FIG4: variants seen among roughly 807,000 people sequenced by gnomAD.
FIG4 encodes the protein polyphosphoinositide phosphatase.
Under a neutral mutation model 118.6 loss-of-function variants are expected in FIG4, and 112 were observed. The ratio of observed to expected loss-of-function variants is 0.94; its 90% confidence interval spans 0.81 to 1.11. The LOEUF is 1.11. FIG4 is among the 50% of genes least tolerant of loss of function. The pLI, the probability that FIG4 is intolerant of heterozygous loss-of-function variation, is 0.00. For synonymous variants in FIG4, 369 were observed against 381.2 expected (o/e 0.97, Z 0.37); for missense variants, 969 against 1,111.7 (o/e 0.87, Z 1.83).
At chr6:109,704,728 A>G (rs1412059203) in intron 1 of FIG4, among the ~76,000 whole-genome samples, 1 of 151,864 alleles carries the variant, frequency 6.6e-6, no homozygotes, top group Non-Finnish European at 1.5e-5. Context: ...GGAAGTCATG[A>G]AAAACAAAGC....
At chr6:109,743,503 G>T in intron 9 of FIG4, 172 bp from the exon 10 acceptor site, 1 of 676,150 alleles carries the variant, frequency 1.5e-6, no homozygotes, top group Non-Finnish European at 2.6e-6. Context: ...TCATTCAAAT[G>T]TAATAAATAC....
intron 1 of FIG4, among the ~76,000 whole-genome samples, chr6:109,703,957 G>A (rs892105826): frequency 1.3e-5 from 2 of 151,966 alleles, no homozygotes; most frequent in Non-Finnish European, 2.9e-5. Flanking sequence ...TTGGGCTCTC[G>A]TCACTCTCCC....
intron 7 of FIG4, among the ~76,000 whole-genome samples, chr6:109,739,573 T>C (rs1776262281): frequency 6.6e-6 from 1 of 152,134 alleles, no homozygotes; most frequent in Non-Finnish European, 1.5e-5. Context: ...TCATTTTCAG[T>C]TGGGATTTGC....
At chr6:109,752,867 G>A (rs1011754167) in intron 10 of FIG4, among the ~76,000 whole-genome samples, 3 of 152,006 alleles carry the variant, frequency 2.0e-5, no homozygotes, top group Admixed American at 2.0e-4. Flanking sequence ...GTCAATTTTG[G>A]CTTTTGTTGC....
At chr6:109,714,972 G>C in intron 1 of FIG4, 106 bp from the exon 2 acceptor site, 1 of 636,516 alleles carries the variant, frequency 1.6e-6, no homozygotes, top group Non-Finnish European at 2.8e-6. Flanking sequence ...TCTTTAAAAA[G>C]TAACCTGACT....
At chr6:109,738,579 C>T in intron 7 of FIG4, 126 bp downstream of exon 7, 1 of 850,780 alleles carries the variant, frequency 1.2e-6, no homozygotes, top group Non-Finnish European at 2.0e-6. Context: ...AAAACCTGCC[C>T]ATGATACTAT....
intron 22 of FIG4, among the ~76,000 whole-genome samples, chr6:109,803,975 C>A (rs1022750910): frequency 8.6e-5 from 13 of 152,038 alleles, no homozygotes; most frequent in African/African-American, 2.9e-4. Flanking sequence ...ACTAAAGGGG[C>A]CCAAGTTAAA....
chr6:109,731,698 G>T (rs984579005), intron 4 of FIG4, among the ~76,000 whole-genome samples: 1 of 152,170 alleles, frequency 6.6e-6, no homozygotes, highest in African/African-American at 2.4e-5. Context: ...TGTACAGGAA[G>T]ATGTGTATTG....
intron 12 of FIG4, 21 bp downstream of exon 12, chr6:109,762,228 C>G (rs1777132125): frequency 7.2e-7 from 1 of 1,395,382 alleles, no homozygotes; most frequent in East Asian, 2.3e-5. Flanking sequence ...TATTTTAAAA[C>G]TTATAATAAA....
At chr6:109,822,523 G>A (rs1019543746) in intron 22 of FIG4, among the ~76,000 whole-genome samples, 2 of 151,780 alleles carry the variant, frequency 1.3e-5, no homozygotes, top group African/African-American at 4.8e-5. Flanking sequence ...TCTCTATTGT[G>A]TATTTCATTG....
Position 109,825,135 on chromosome 6 carries a change from C to A in FIG4, c.2594C>A (p.Pro865His). 6.2e-7 allele frequency: 1 copy of A among 1,614,004 alleles called. No homozygotes were observed. The change falls in exon 23 of 23, where the codon CCC becomes CAC. Residue 865 changes from proline to histidine, a missense_variant. Transcript: ENST00000230124. Reference protein sequence around the residue: ...FSQDNIYEVQPPRVDRKSTEI... With the variant: ...FSQDNIYEVQHPRVDRKSTEI... ...CAAGATAACATCTATGAAGTTCAGC[C>A]CCCAAGAGTAGACAGAAAATCTACA... is the stretch of plus-strand genomic sequence containing the variant.
At chr6:109,814,394 A>G (rs1309093428) in intron 22 of FIG4, among the ~76,000 whole-genome samples, 1 of 151,990 alleles carries the variant, frequency 6.6e-6, no homozygotes, top group Non-Finnish European at 1.5e-5. Flanking sequence ...CTCCTGCCTC[A>G]GCCTCCCAAA....
chr6:109,764,894 T>TG, intron 13 of FIG4, 119 bp from the exon 14 acceptor site: 8 of 909,212 alleles, frequency 8.8e-6, no homozygotes, highest in Middle Eastern at 2.3e-4. Context: ...GCCCACAGAC[T>TG]TTTTTTGTTT....
chr6:109,737,109 C>A (rs1776180820), intron 6 of FIG4, among the ~76,000 whole-genome samples: 1 of 152,124 alleles, frequency 6.6e-6, no homozygotes, highest in Non-Finnish European at 1.5e-5. Context: ...TTTCTTCTTG[C>A]CATGTAATGT....
At chr6:109,819,227 G>A (rs948659923) in intron 22 of FIG4, among the ~76,000 whole-genome samples, 6 of 152,156 alleles carry the variant, frequency 3.9e-5, no homozygotes, top group Admixed American at 6.5e-5. Context: ...GGAGGAGTAT[G>A]GGAAACATAC....
At chr6:109,781,913 T>C (rs1777817656) in intron 16 of FIG4, among the ~76,000 whole-genome samples, 1 of 151,588 alleles carries the variant, frequency 6.6e-6, no homozygotes, top group Non-Finnish European at 1.5e-5. Flanking sequence ...TGCCTTTGAT[T>C]GTAATCATTT....
chr6:109,722,140 T>C (rs970236650), intron 3 of FIG4, among the ~76,000 whole-genome samples: 6 of 152,076 alleles, frequency 3.9e-5, no homozygotes, highest in African/African-American at 1.4e-4. Context: ...ACTTCCTAAG[T>C]TGCTTTTAGT....
chr6:109,725,885 C>T (rs1389450333), intron 3 of FIG4, among the ~76,000 whole-genome samples: 3 of 152,102 alleles, frequency 2.0e-5, no homozygotes, highest in Non-Finnish European at 4.4e-5. Context: ...TTGTTGGTTG[C>T]ATAAATGTCT....
intron 1 of FIG4, among the ~76,000 whole-genome samples, chr6:109,706,031 A>G (rs1775056065): frequency 6.6e-6 from 1 of 152,212 alleles, no homozygotes; most frequent in Non-Finnish European, 1.5e-5. Flanking sequence ...TCTGTGGTAC[A>G]TAGTTGTTCT....
Sources: gnomAD v4.1 joint callset for allele counts (sites outside exome capture counted in the v4.1 genomes callset) on GRCh38, gnomAD v4.1.1 for gene constraint, MANE v1.5 for transcripts, NCBI Gene and HGNC (gene_info 2026-07-23, HGNC 2026-07-21) for gene names.